Variants in SRD5A2 observed in about 807,000 individuals in gnomAD.
SRD5A2 encodes the protein 3-oxo-5-alpha-steroid 4-dehydrogenase 2.
A neutral mutation model predicts 27.4 loss-of-function variants in SRD5A2; 30 were observed. The ratio of observed to expected loss-of-function variants is 1.10; its 90% CI spans 0.82 to 1.49. The LOEUF (loss-of-function observed/expected upper bound fraction) is 1.49. Ranked by LOEUF, SRD5A2 falls within the 40% of genes most tolerant of loss-of-function variation. SRD5A2 has a pLI of 0.00. For synonymous variants in SRD5A2, 141 were observed against 133.6 expected, an observed-to-expected ratio of 1.06 and a Z score of -0.38; for missense variants, 348 against 323.4, an observed-to-expected ratio of 1.08 and a Z score of -0.58.
chr2:31,654,792 C>T, the SRD5A2 span, among the ~76,000 whole-genome samples: 1 of 152,174 alleles, frequency 6.6e-6, no homozygotes, highest in Non-Finnish European at 1.5e-5. Flanking sequence ...CATATCTGCT[C>T]TCAACAATGT....
At chr2:31,654,336 G>A in the SRD5A2 span, among the ~76,000 whole-genome samples, 1 of 152,198 alleles carries the variant, frequency 6.6e-6, no homozygotes, top group Non-Finnish European at 1.5e-5. Context: ...ACCCTGCTGT[G>A]TAAAACCTGC....
At chr2:31,635,774 G>A in the SRD5A2 span, among the ~76,000 whole-genome samples, 1 of 150,490 alleles carries the variant, frequency 6.6e-6, no homozygotes, top group Non-Finnish European at 1.5e-5. Flanking sequence ...TCTTTTTCAT[G>A]TAATTTTCGT....
the SRD5A2 span, among the ~76,000 whole-genome samples, chr2:31,618,470 T>C: frequency 2.6e-5 from 4 of 152,102 alleles, no homozygotes; most frequent in African/African-American, 9.7e-5. Flanking sequence ...ATGATATATA[T>C]ACACAATGGA....
chr2:31,527,957 A>G (rs576369060), intron 4 of SRD5A2, among the ~76,000 whole-genome samples: 1 of 152,348 alleles, frequency 6.6e-6, no homozygotes, highest in South Asian at 2.1e-4. Context: ...TCCAGTAATT[A>G]TAGGCTTTCT....
the SRD5A2 span, among the ~76,000 whole-genome samples, chr2:31,604,325 G>C: frequency 3.3e-5 from 5 of 151,786 alleles, no homozygotes; most frequent in East Asian, 7.7e-4. Flanking sequence ...CCTCCAAATT[G>C]AAAAGGAAGA....
chr2:31,526,128 A>G lies in SRD5A2; in HGVS notation c.*68T>C. 10 of 964,090 alleles carry G rather than the reference A, an allele frequency of 1.0e-5. No homozygotes were observed. Among genetic ancestry groups the G allele is most frequent in the Non-Finnish European group, 1.6e-5 (10 of 636,588 alleles). 59.7% of individuals were successfully genotyped at this position (964,090 alleles called of 1,614,324 possible). A position where few individuals can be genotyped will look rare whatever the true frequency, so the allele number is the denominator to read the frequency against. On this transcript the variant is annotated 3_prime_UTR_variant, in exon 5 of 5. Transcript: ENST00000622030. ...ACGGGACTATTATATCATGAAAATT[A>G]CAGTTTCAGCAGCTTGACAGTTTTC...
upstream of SRD5A2, among the ~76,000 whole-genome samples, chr2:31,585,295 G>A (rs1005949661): frequency 2.6e-5 from 4 of 152,156 alleles, no homozygotes; most frequent in African/African-American, 7.2e-5. Context: ...ACTGAGGGGT[G>A]CAAAATATAC....
chr2:31,563,272 CA>C (rs1393974961), intron 1 of SRD5A2: 8 of 152,116 alleles, frequency 5.3e-5, no homozygotes, highest in African/African-American at 1.9e-4. Flanking sequence ...ACAAATCAAC[CA>C]GTATTGCAGA....
the SRD5A2 span, among the ~76,000 whole-genome samples, chr2:31,624,368 AT>A: frequency 1.3e-5 from 2 of 151,724 alleles, no homozygotes; most frequent in African/African-American, 4.8e-5. Flanking sequence ...ATTAATTATT[AT>A]TTTTTTAATT....
At chr2:31,586,762 C>T in the SRD5A2 span, among the ~76,000 whole-genome samples, 1 of 152,064 alleles carries the variant, frequency 6.6e-6, no homozygotes, top group Admixed American at 6.5e-5. Flanking sequence ...GAAAATCCAT[C>T]CCAAGGAGGA....
chr2:31,582,971 CT>C (rs1667106215), upstream of SRD5A2, among the ~76,000 whole-genome samples: 1 of 152,192 alleles, frequency 6.6e-6, no homozygotes, highest in Non-Finnish European at 1.5e-5. Context: ...TTCTTCCTCT[CT>C]TTTCTTCCGA....
the SRD5A2 span, among the ~76,000 whole-genome samples, chr2:31,623,890 C>T: frequency 1.3e-5 from 2 of 151,964 alleles, no homozygotes; most frequent in African/African-American, 4.8e-5. Flanking sequence ...GTTCTGTTTA[C>T]ATGATAAATA....
chr2:31,570,357 G>A (rs10204002), intron 1 of SRD5A2, among the ~76,000 whole-genome samples: 1 of 151,964 alleles, frequency 6.6e-6, no homozygotes, highest in African/African-American at 2.4e-5. Context: ...AACAAATGAG[G>A]CATTAAAGAA....
the SRD5A2 span, among the ~76,000 whole-genome samples, chr2:31,592,502 C>T: frequency 2.0e-5 from 3 of 152,182 alleles, no homozygotes; most frequent in African/African-American, 7.2e-5. Context: ...AGCTGAGAGA[C>T]CTGAAGCTGG....
the SRD5A2 span, among the ~76,000 whole-genome samples, chr2:31,626,989 G>A: frequency 6.6e-6 from 1 of 152,030 alleles, no homozygotes; most frequent in Non-Finnish European, 1.5e-5. Context: ...GTCTGGTCCT[G>A]GACTTTTTTT....
chr2:31,556,905 C>A (rs764118616), intron 1 of SRD5A2, among the ~76,000 whole-genome samples: 2 of 152,106 alleles, frequency 1.3e-5, no homozygotes, highest in Non-Finnish European at 2.9e-5. Flanking sequence ...TTATATATTG[C>A]GTACTATGTT....
the SRD5A2 span, among the ~76,000 whole-genome samples, chr2:31,619,484 T>C: frequency 1.6e-4 from 24 of 152,242 alleles, no homozygotes; most frequent in Admixed American, 1.5e-3. Flanking sequence ...TCAAATGGTG[T>C]TTCTGTCTTT....
At chr2:31,630,300 A>G in the SRD5A2 span, among the ~76,000 whole-genome samples, 1 of 152,052 alleles carries the variant, frequency 6.6e-6, no homozygotes, top group Non-Finnish European at 1.5e-5. Context: ...GAAGATACAG[A>G]GAGAGAGAGA....
the SRD5A2 span, among the ~76,000 whole-genome samples, chr2:31,626,865 T>G: frequency 7.4e-4 from 113 of 152,234 alleles, no homozygotes; most frequent in African/African-American, 2.6e-3. Context: ...GGATGATGCT[T>G]GCCTCATAAA....
Sources: gnomAD v4.1 joint callset for allele counts (sites outside exome capture counted in the v4.1 genomes callset) on GRCh38, gnomAD v4.1.1 for gene constraint, MANE v1.5 for transcripts, NCBI Gene and HGNC (gene_info 2026-07-23, HGNC 2026-07-21) for gene names.